VEGFC: variants seen among roughly 807,000 people sequenced by gnomAD.
VEGFC encodes FLT4 ligand DHM.
In VEGFC, 12 loss-of-function variants were observed where a neutral mutation model predicts 46.1. That is an observed-to-expected ratio of 0.26 (90% confidence interval 0.17 to 0.42). VEGFC has a LOEUF of 0.42. VEGFC is among the 10% of genes least tolerant of loss of function. The pLI is 1.00. For missense variants in VEGFC, 488 were observed against 529.4 expected (o/e 0.92, Z 0.77); for synonymous variants, 232 against 195.5 (o/e 1.19, Z -1.56).
intron 1 of VEGFC, among the ~76,000 whole-genome samples, chr4:176,751,783 TG>T (rs1313665607): frequency 6.6e-6 from 1 of 151,926 alleles, no homozygotes; most frequent in Non-Finnish European, 1.5e-5. Flanking sequence ...TTGGTTAACT[TG>T]GTGGAGGAAG....
intron 1 of VEGFC, among the ~76,000 whole-genome samples, chr4:176,767,123 T>TAAAAAAAAAAAAA (rs70964805): frequency 8.0e-4 from 40 of 50,176 alleles, no homozygotes; most frequent in East Asian, 1.6e-3. Context: ...TGTAGAAATC[T>TAAAAAAAAAAAAA]AAAAAAAAAA....
intron 1 of VEGFC, among the ~76,000 whole-genome samples, chr4:176,734,568 C>G (rs1285140671): frequency 6.6e-6 from 1 of 151,692 alleles, no homozygotes; most frequent in Non-Finnish European, 1.5e-5. Flanking sequence ...CTAAAAATAA[C>G]CCCTTTTGTG....
chr4:176,736,706 C>T (rs1212145017), intron 1 of VEGFC, among the ~76,000 whole-genome samples: 2 of 151,588 alleles, frequency 1.3e-5, no homozygotes, highest in Non-Finnish European at 3.0e-5. Flanking sequence ...ATATTTCTTG[C>T]AGTGATTTAA....
chr4:176,687,785 C>T (rs865909964), intron 5 of VEGFC, 36 bp downstream of exon 5: 2 of 1,419,898 alleles, frequency 1.4e-6, no homozygotes, highest in South Asian at 1.2e-5. Context: ...AATATAGACC[C>T]CTGGCGTTTA....
At chr4:176,755,694 C>T (rs1352265274) in intron 1 of VEGFC, among the ~76,000 whole-genome samples, 1 of 152,006 alleles carries the variant, frequency 6.6e-6, no homozygotes, top group African/African-American at 2.4e-5. Flanking sequence ...AAATACTAAA[C>T]TATCATACAT....
chr4:176,776,425 A>G (rs1302937921), intron 1 of VEGFC, among the ~76,000 whole-genome samples: 1 of 152,224 alleles, frequency 6.6e-6, no homozygotes. Flanking sequence ...TGTGACCTCA[A>G]ACACAATTTG....
At chr4:176,712,125 C>T (rs1158254005) in intron 3 of VEGFC, among the ~76,000 whole-genome samples, 2 of 151,990 alleles carry the variant, frequency 1.3e-5, no homozygotes, top group East Asian at 1.9e-4. Flanking sequence ...AATACATAGA[C>T]GTAAGTTACA....
chr4:176,786,503 T>C (rs557312098), intron 1 of VEGFC, among the ~76,000 whole-genome samples: 109 of 152,218 alleles, frequency 7.2e-4, no homozygotes, highest in Non-Finnish European at 1.3e-3. Context: ...GGCCTGCCCA[T>C]GCAACTCCCA....
In VEGFC at chr4:176,744,984, T is replaced by TC. The variant is rs983054444; in HGVS notation, c.148-15239dup. ...TTGTAGTGCAGCCTTGATAACTGGGTCCCAGCCTTACCTTTTCTGTCTGAA... is the reference window on the plus strand; with the variant it reads ...TTGTAGTGCAGCCTTGATAACTGGGTCCCCAGCCTTACCTTTTCTGTCTGAA... On this transcript the variant is annotated intron_variant, in intron 1 of 6. Transcript: ENST00000618562. Among the ~76,000 whole-genome samples the TC allele has an allele frequency of 5.9e-5, 9 of 152,162 alleles. No homozygotes were observed. The South Asian group carries it at 1.7e-3, about 28-fold the overall frequency.
intron 4 of VEGFC, among the ~76,000 whole-genome samples, chr4:176,706,625 CAAAAAAAAAAAAAAAAA>C (rs55996370): frequency 1.1e-4 from 7 of 63,448 alleles, no homozygotes; most frequent in Admixed American, 4.7e-4. Context: ...GAATCTGTCT[CAAAAAAAAAAAAAAAAA>C]AAAAAAAAAA....
chr4:176,692,491 C>G (rs1263793614), intron 4 of VEGFC, among the ~76,000 whole-genome samples: 5 of 134,636 alleles, frequency 3.7e-5, no homozygotes, highest in African/African-American at 1.8e-4. Context: ...CACGGAGTCT[C>G]GCTGATTGCT....
intron 4 of VEGFC, among the ~76,000 whole-genome samples, chr4:176,707,881 TTGCCC>T (rs1451246212): frequency 6.6e-6 from 1 of 152,154 alleles, no homozygotes; most frequent in East Asian, 1.9e-4. Context: ...CTGCCATTGG[TTGCCC>T]TGTGGATATT....
intron 1 of VEGFC, among the ~76,000 whole-genome samples, chr4:176,766,295 G>A (rs1735620739): frequency 6.6e-6 from 1 of 151,976 alleles, no homozygotes; most frequent in African/African-American, 2.4e-5. Context: ...AAATATTAAG[G>A]TACAATGAAG....
At position 176,757,503 on chromosome 4, in the gene VEGFC, T is replaced by A. The variant is rs374985265; in HGVS notation, c.148-27757A>T. Among the ~76,000 whole-genome samples, 14 of 152,144 alleles carry A rather than the reference T, an allele frequency of 9.2e-5. No individual in the cohort carries two copies. The East Asian group carries it at 1.7e-3, about 19-fold the overall frequency. On this transcript the variant is annotated intron_variant, in intron 1 of 6. Transcript: ENST00000618562. Reference sequence around the variant, plus strand: ...TTTCAATAATAGAAAGCAAGACTCATACTGCTAACACAATAATATTGGTAC... The same window carrying A: ...TTTCAATAATAGAAAGCAAGACTCAAACTGCTAACACAATAATATTGGTAC...
At chr4:176,688,136 TG>T (rs1734080237) in intron 4 of VEGFC, among the ~76,000 whole-genome samples, 1 of 152,240 alleles carries the variant, frequency 6.6e-6, no homozygotes, top group African/African-American at 2.4e-5. Context: ...GTTTGTGGTA[TG>T]GTCTTAGAGG....
intron 1 of VEGFC, among the ~76,000 whole-genome samples, chr4:176,731,209 C>T (rs1734959361): frequency 6.6e-6 from 1 of 151,998 alleles, no homozygotes; most frequent in Non-Finnish European, 1.5e-5. Context: ...AAAACATCCT[C>T]TCACAGTTTC....
At chr4:176,709,824 A>AC (rs1049563127) in intron 4 of VEGFC, among the ~76,000 whole-genome samples, 1 of 152,152 alleles carries the variant, frequency 6.6e-6, no homozygotes, top group Non-Finnish European at 1.5e-5. Context: ...ACATTATACA[A>AC]CAGGAGAAAG....
intron 1 of VEGFC, among the ~76,000 whole-genome samples, chr4:176,754,390 T>A (rs929879595): frequency 6.6e-6 from 1 of 152,004 alleles, no homozygotes; most frequent in African/African-American, 2.4e-5. Context: ...CCAAAATGGT[T>A]TTCACTGGGC....
intron 4 of VEGFC, among the ~76,000 whole-genome samples, chr4:176,706,543 T>C (rs1734537693): frequency 1.3e-5 from 2 of 148,844 alleles, no homozygotes; most frequent in Non-Finnish European, 1.5e-5. Context: ...AGAGAATTGC[T>C]TGAACCCAGG....
Sources: gnomAD v4.1 joint callset for allele counts (sites outside exome capture counted in the v4.1 genomes callset) on GRCh38, gnomAD v4.1.1 for gene constraint, MANE v1.5 for transcripts, NCBI Gene and HGNC (gene_info 2026-07-23, HGNC 2026-07-21) for gene names.